Variants in CHMP2B observed in about 807,000 individuals in gnomAD.
The protein encoded by CHMP2B is VPS2 homolog B.
A neutral mutation model predicts 29.8 loss-of-function variants in CHMP2B; 22 were observed. The observed-to-expected ratio is 0.74, with a 90% CI of 0.53 to 1.05. The LOEUF is 1.05. CHMP2B is among the 50% of genes least tolerant of loss of function. CHMP2B has a pLI of 0.00. For missense variants in CHMP2B, 261 were observed against 252.2 expected (o/e 1.03, Z -0.24); for synonymous variants, 78 against 75.8 (o/e 1.03, Z -0.15).
chr3:87,228,518 A>G (rs959956465), intron 1 of CHMP2B, among the ~76,000 whole-genome samples: 1 of 152,224 alleles, frequency 6.6e-6, no homozygotes, highest in African/African-American at 2.4e-5. Flanking sequence ...GATTGGTACA[A>G]ATAGGGTGCT....
intron 1 of CHMP2B, among the ~76,000 whole-genome samples, chr3:87,237,477 C>G (rs1009307721): frequency 7.9e-5 from 12 of 152,138 alleles, no homozygotes; most frequent in Admixed American, 7.9e-4. Context: ...CTCCTTTCAG[C>G]CATCTGAACT....
chr3:87,234,580 A>G (rs144301561), intron 1 of CHMP2B, among the ~76,000 whole-genome samples: 1 of 152,338 alleles, frequency 6.6e-6, no homozygotes, highest in East Asian at 1.9e-4. Flanking sequence ...TTTTTATCTC[A>G]CTGAATGGTA....
At chr3:87,231,561 C>T (rs1020813831) in intron 1 of CHMP2B, among the ~76,000 whole-genome samples, 21 of 152,074 alleles carry the variant, frequency 1.4e-4, no homozygotes, top group Non-Finnish European at 2.1e-4. Context: ...CAGTGTAAAC[C>T]CCTTTATGAA....
Position 87,230,499 on chromosome 3 carries a change from C to G in CHMP2B, c.34+2943C>G, listed in dbSNP as rs1323010785. Among the ~76,000 whole-genome samples the G allele has an allele frequency of 2.0e-5, 3 of 152,234 alleles. No individual in the cohort carries two copies. In the East Asian group the frequency reaches 5.8e-4, roughly 29 times the overall value. ...TGACACAGTTTAATTTTGCTCTTAT[C>G]AAGCACATGGAATTCTCAACTTTTG... On this transcript the variant is annotated intron_variant, in intron 1 of 5. Coordinates refer to ENST00000263780, the MANE Select transcript of CHMP2B (RefSeq NM_014043.4).
At position 87,240,719 on chromosome 3, in the gene CHMP2B, C is replaced by G. The variant is rs780237778; in HGVS notation, c.55C>G (p.Arg19Gly). 1.2e-6 allele frequency: 2 copies of G among 1,612,652 alleles called. No homozygotes were observed. Among genetic ancestry groups the G allele is most frequent in the African/African-American group, 1.3e-5 (1 of 74,958 alleles). ...TVDDVIKEQN[R>G]ELRGTQRAII... ...CCTAGATGTAATAAAGGAACAGAAT[C>G]GAGAGTTACGAGGTACACAGAGGGC... is the stretch of plus-strand genomic sequence containing the variant. The change falls in exon 2 of 6, where the codon CGA becomes GGA. Residue 19 changes from arginine (R) to glycine (G), a missense_variant. Transcript: ENST00000263780.
intron 3 of CHMP2B, among the ~76,000 whole-genome samples, chr3:87,246,477 T>G (rs1706216240): frequency 6.6e-6 from 1 of 152,174 alleles, no homozygotes; most frequent in Non-Finnish European, 1.5e-5. Flanking sequence ...GCTTCTAATT[T>G]TATGAAATTG....
intron 2 of CHMP2B, among the ~76,000 whole-genome samples, chr3:87,244,536 T>G (rs1456033932): frequency 2.6e-5 from 4 of 152,170 alleles, no homozygotes; most frequent in African/African-American, 7.2e-5. Context: ...CATTTTCACT[T>G]AAGTTCAAAA....
intron 4 of CHMP2B, among the ~76,000 whole-genome samples, chr3:87,251,517 TAGTC>T (rs1706312608): frequency 6.6e-6 from 1 of 152,004 alleles, no homozygotes; most frequent in South Asian, 2.1e-4. Flanking sequence ...CATTACAAGT[TAGTC>T]TGTAATATAA....
chr3:87,245,146 T>G (rs1706187454), intron 2 of CHMP2B, among the ~76,000 whole-genome samples: 2 of 152,150 alleles, frequency 1.3e-5, no homozygotes, highest in African/African-American at 4.8e-5. Context: ...CACTCTAGAT[T>G]GGCAGGTTTT....
intron 2 of CHMP2B, among the ~76,000 whole-genome samples, chr3:87,243,812 A>G (rs995445887): frequency 2.6e-5 from 4 of 152,126 alleles, no homozygotes; most frequent in African/African-American, 9.6e-5. Context: ...TAACATCTTT[A>G]GGATAAGAAG....
Position 87,253,757 on chromosome 3 carries a change from A to G in CHMP2B, c.577A>G (p.Thr193Ala). The G allele has an allele frequency of 6.2e-7, 1 of 1,612,610 alleles. No homozygotes were observed. The change falls in exon 6 of 6, where the codon ACT (threonine) becomes GCT (alanine). Residue 193 changes from threonine to alanine, a missense_variant. Coordinates refer to ENST00000263780, the MANE Select transcript of CHMP2B (RefSeq NM_014043.4). ...TGCTCGAAGCTTACCATCTGCCTCT[A>G]CTTCAAAGGCTACAATCTCAGATGA... The part of the protein sequence containing the change: ...SAARSLPSAS[T>A]SKATISDEEI...
rs1227321233 is a variant in CHMP2B, at chr3:87,255,442, C to A, written c.*1620C>A. On this transcript the variant is annotated 3_prime_UTR_variant, in exon 6 of 6. Transcript: ENST00000263780. ...GTTTACATGTGGGAGCTTTTGTTTT[C>A]AAAAATTATTTTGTTAAAAAATCTC... 6.6e-6 allele frequency: 1 copy of A among 152,234 alleles called. No individual in the cohort carries two copies. The highest frequency in any genetic ancestry group is 1.5e-5 in the Non-Finnish European group (1 of 67,888). The allele number at this position is 152,234 out of a possible 1,614,324, so 9.4% of individuals were successfully genotyped here. A position where few individuals can be genotyped will look rare whatever the true frequency, so the allele number is the denominator to read the frequency against.
intron 4 of CHMP2B, among the ~76,000 whole-genome samples, chr3:87,252,296 T>C (rs927651860): frequency 6.6e-6 from 1 of 151,860 alleles, no homozygotes; most frequent in Non-Finnish European, 1.5e-5. Context: ...GAAATCACAC[T>C]AGGTTACCTG....
At chr3:87,252,352 A>G (rs894880500) in intron 4 of CHMP2B, among the ~76,000 whole-genome samples, 1 of 151,776 alleles carries the variant, frequency 6.6e-6, no homozygotes, top group Non-Finnish European at 1.5e-5. Context: ...GAGAGGAACA[A>G]TTTTAGGCTA....
intron 4 of CHMP2B, among the ~76,000 whole-genome samples, chr3:87,252,849 G>A (rs1706339686): frequency 6.6e-6 from 1 of 151,968 alleles, no homozygotes; most frequent in African/African-American, 2.4e-5. Flanking sequence ...GGAGGGAAGA[G>A]AGGTAGAAAA....
At chr3:87,251,560 A>G (rs1706313279) in intron 4 of CHMP2B, among the ~76,000 whole-genome samples, 1 of 151,994 alleles carries the variant, frequency 6.6e-6, no homozygotes, top group South Asian at 2.1e-4. Flanking sequence ...AGTCTGTAGT[A>G]TAATAGTAGT....
chr3:87,240,564 T>A, intron 1 of CHMP2B, 135 bp from the exon 2 acceptor site: 1 of 658,708 alleles, frequency 1.5e-6, no homozygotes, highest in South Asian at 1.5e-5. Flanking sequence ...CCCAAAGTGC[T>A]GCGATTACAG....
At chr3:87,235,522 C>T (rs1469666922) in intron 1 of CHMP2B, among the ~76,000 whole-genome samples, 3 of 152,046 alleles carry the variant, frequency 2.0e-5, no homozygotes, top group African/African-American at 2.4e-5. Flanking sequence ...AACTATGAGG[C>T]TGTGGAATAT....
At chr3:87,236,013 T>C (rs1290687695) in intron 1 of CHMP2B, among the ~76,000 whole-genome samples, 2 of 152,230 alleles carry the variant, frequency 1.3e-5, no homozygotes, top group Non-Finnish European at 2.9e-5. Flanking sequence ...AAGTGATCCA[T>C]AGGTCAAGGG....
Sources: gnomAD v4.1 joint callset for allele counts (sites outside exome capture counted in the v4.1 genomes callset) on GRCh38, gnomAD v4.1.1 for gene constraint, MANE v1.5 for transcripts, NCBI Gene and HGNC (gene_info 2026-07-23, HGNC 2026-07-21) for gene names.